Variants in NEDD9 observed in about 807,000 individuals in gnomAD.
NEDD9 encodes the protein enhancer of filamentation 1.
A neutral mutation model predicts 76.6 loss-of-function variants in NEDD9; 26 were observed. The observed-to-expected ratio is 0.34, with a 90% CI of 0.25 to 0.47. The LOEUF (loss-of-function observed/expected upper bound fraction) is 0.47, where lower values mean the gene tolerates loss of function less well. NEDD9 is among the 20% of genes least tolerant of loss of function. NEDD9 has a pLI of 1.00. For missense variants in NEDD9, 937 were observed against 1,058.5 expected, an observed-to-expected ratio of 0.89 and a Z score of 1.59; for synonymous variants, 392 against 414.2, an observed-to-expected ratio of 0.95 and a Z score of 0.65.
chr6:11,362,893 T>C (rs1762702631), intron 1 of NEDD9, among the ~76,000 whole-genome samples: 1 of 152,250 alleles, frequency 6.6e-6, no homozygotes, highest in African/African-American at 2.4e-5. Context: ...AAGGGACAGA[T>C]GTCTAACAAC....
chr6:11,191,531 G>A (rs529089479), intron 4 of NEDD9, among the ~76,000 whole-genome samples: 1 of 152,240 alleles, frequency 6.6e-6, no homozygotes, highest in South Asian at 2.1e-4. Flanking sequence ...TAAGACCAGA[G>A]TTCTCCCCCG....
At chr6:11,289,141 A>G (rs930446058) in intron 3 of NEDD9, among the ~76,000 whole-genome samples, 1 of 152,252 alleles carries the variant, frequency 6.6e-6, no homozygotes, top group Non-Finnish European at 1.5e-5. Context: ...AATGGATACA[A>G]TATTTCTGAC....
chr6:11,275,471 CACAA>C lies in NEDD9; in HGVS notation c.12+30517_12+30520del, dbSNP rs1217006414. Among the ~76,000 whole-genome samples, 12 of 152,028 alleles carry C rather than the reference CACAA, an allele frequency of 7.9e-5. No individual in the cohort carries two copies. In the East Asian group the frequency reaches 1.3e-3, roughly 17 times the overall value. On this transcript the variant is annotated intron_variant, in intron 3 of 3. Coordinates refer to the NEDD9 transcript ENST00000397378. ...GTTAATTAGCTTGATTTAGCCATTG[CACAA>C]ACATTCAAAAGATCATGCTGTACAT...
intron 3 of NEDD9, among the ~76,000 whole-genome samples, chr6:11,257,462 A>C (rs1432471938): frequency 1.3e-5 from 2 of 152,146 alleles, no homozygotes; most frequent in South Asian, 2.1e-4. Flanking sequence ...CCGTGAGTAC[A>C]TGGAGGCAAC....
At chr6:11,301,217 C>T (rs1761037576) in intron 3 of NEDD9, among the ~76,000 whole-genome samples, 1 of 152,126 alleles carries the variant, frequency 6.6e-6, no homozygotes. Flanking sequence ...GGTTACAATC[C>T]TAGTCTCTGA....
chr6:11,268,305 A>G (rs1289735985), intron 3 of NEDD9, among the ~76,000 whole-genome samples: 2 of 151,802 alleles, frequency 1.3e-5, no homozygotes, highest in African/African-American at 4.8e-5. Flanking sequence ...TGCTGGGATT[A>G]CAGGCGGGAG....
At chr6:11,267,146 A>G (rs1389032508) in intron 3 of NEDD9, among the ~76,000 whole-genome samples, 1 of 152,226 alleles carries the variant, frequency 6.6e-6, no homozygotes, top group Non-Finnish European at 1.5e-5. Context: ...GCTGCCTTCA[A>G]TCGCTTTTTC....
At chr6:11,200,352 A>G (rs1758412515) in intron 2 of NEDD9, 1 of 510,648 alleles carries the variant, frequency 2.0e-6, no homozygotes, top group Admixed American at 2.6e-5. Flanking sequence ...TGAGGCTGGC[A>G]GAAGGAAACA....
intron 1 of NEDD9, among the ~76,000 whole-genome samples, chr6:11,351,820 A>T (rs958078798): frequency 6.6e-6 from 1 of 152,160 alleles, no homozygotes; most frequent in Admixed American, 6.5e-5. Context: ...ATGCGTTTGT[A>T]TGTTCTTCTC....
chr6:11,304,606 C>T (rs1206431176), intron 3 of NEDD9, among the ~76,000 whole-genome samples: 1 of 152,168 alleles, frequency 6.6e-6, no homozygotes, highest in Admixed American at 6.5e-5. Context: ...CACATATACA[C>T]CATGGAATAC....
chr6:11,228,588 A>C (rs1289975730), intron 1 of NEDD9, among the ~76,000 whole-genome samples: 1 of 136,842 alleles, frequency 7.3e-6, no homozygotes, highest in Non-Finnish European at 1.5e-5. Context: ...ACTGGAGTGA[A>C]GGGAGAGACA....
intron 1 of NEDD9, among the ~76,000 whole-genome samples, chr6:11,353,471 G>A (rs1249771848): frequency 6.6e-6 from 1 of 152,200 alleles, no homozygotes; most frequent in Non-Finnish European, 1.5e-5. Context: ...CGGGGCTGCT[G>A]GAAGCTGAAA....
At position 11,190,214 on chromosome 6, in the gene NEDD9, T is replaced by C; in HGVS notation, c.1655A>G (p.Asn552Ser). The C allele has an allele frequency of 6.2e-7, 1 of 1,614,152 alleles. No homozygotes were observed. The highest frequency in any genetic ancestry group is 8.5e-7 in the Non-Finnish European group (1 of 1,180,022). The part of the protein sequence containing the change: ...AKQLTTTINT[N>S]AEALFRPGPG... Reference sequence around the variant, plus strand: ...GCCGGGTCTGAAGAGGGCCTCTGCGTTGGTGTTGATGGTTGTGGTGAGCTG... The same window carrying C: ...GCCGGGTCTGAAGAGGGCCTCTGCGCTGGTGTTGATGGTTGTGGTGAGCTG... Residue 552 changes from asparagine (N) to serine (S), a missense_variant, in exon 5 of 7, where the codon AAC becomes AGC. Transcript: ENST00000379446. This position sits in a 1 kb window ranked among gnomAD's most constrained non-coding sequence, Gnocchi z 5.8.
intron 2 of NEDD9, among the ~76,000 whole-genome samples, chr6:11,196,542 C>T (rs1758298758): frequency 6.6e-6 from 1 of 152,172 alleles, no homozygotes; most frequent in Non-Finnish European, 1.5e-5. Context: ...TCACAGAACC[C>T]CAACTTGCTC....
chr6:11,317,238 G>A (rs551834230), intron 2 of NEDD9, among the ~76,000 whole-genome samples: 5 of 152,062 alleles, frequency 3.3e-5, no homozygotes, highest in Non-Finnish European at 7.4e-5. Context: ...TTTGAGACCA[G>A]CCTGGCCAAC....
chr6:11,190,471 G>A lies in NEDD9; in HGVS notation c.1398C>T (p.Val466=), dbSNP rs146993148. 3 of 1,614,180 alleles carry A rather than the reference G, an allele frequency of 1.9e-6. No homozygotes were observed. The highest frequency in any genetic ancestry group is 2.7e-5 in the African/African-American group (2 of 75,052). ...AGGCAGCATTTGCAACAGCTCCCTTGACAAAGTGGAGGTACTCCTTCAGGA... is the reference window on the plus strand; with the variant it reads ...AGGCAGCATTTGCAACAGCTCCCTTAACAAAGTGGAGGTACTCCTTCAGGA... ...ELFLKEYLHF[V]KGAVANAACL... Residue 466 remains valine, a synonymous_variant, in exon 5 of 7, where the codon GTC becomes GTT. Transcript: ENST00000379446. The surrounding 1 kb of genome is among the most constrained non-coding windows in gnomAD (Gnocchi z 5.8).
intron 2 of NEDD9, among the ~76,000 whole-genome samples, chr6:11,307,010 A>G (rs1761204458): frequency 6.6e-6 from 1 of 152,224 alleles, no homozygotes; most frequent in Non-Finnish European, 1.5e-5. Context: ...AAACCCTGAT[A>G]TTTAAACCAC....
intron 3 of NEDD9, chr6:11,258,845 T>A (rs1455537467): frequency 6.6e-6 from 1 of 152,244 alleles, no homozygotes; most frequent in Non-Finnish European, 1.5e-5. Context: ...CAGATGTTAT[T>A]TCTGTCCTAA....
chr6:11,283,715 C>T lies in NEDD9; in HGVS notation c.12+22277G>A, dbSNP rs372950433. Among the ~76,000 whole-genome samples the T allele has an allele frequency of 3.1e-4, 47 of 152,314 alleles. No individual in the cohort carries two copies. The East Asian group carries it at 8.5e-3, about 27-fold the overall frequency. On this transcript the variant is annotated intron_variant, in intron 3 of 3. Coordinates refer to the NEDD9 transcript ENST00000397378. ...TCTATTACTTTAATACTGTCTCCTA[C>T]ACACAAAGGTTAATGATTGCTTTTC... is the stretch of plus-strand genomic sequence containing the variant.
Sources: gnomAD v4.1 joint callset for allele counts (sites outside exome capture counted in the v4.1 genomes callset) on GRCh38, gnomAD v4.1.1 for gene constraint, Gnocchi (gnomAD v3.1) non-coding constraint, MANE v1.5 for transcripts, NCBI Gene and HGNC (gene_info 2026-07-23, HGNC 2026-07-21) for gene names.